SCNN1A: variants seen among roughly 807,000 people sequenced by gnomAD.
SCNN1A encodes the protein epithelial sodium channel subunit alpha.
In SCNN1A, 65 loss-of-function variants were observed where a neutral mutation model predicts 68.6. That is an observed-to-expected ratio of 0.95 (90% CI 0.78 to 1.16). The LOEUF (loss-of-function observed/expected upper bound fraction) is 1.16, where lower values mean the gene tolerates loss of function less well. SCNN1A is among the 50% of genes most tolerant of loss of function. SCNN1A has a pLI of 0.00. For synonymous variants in SCNN1A, 357 were observed against 353.3 expected (o/e 1.01, Z -0.12); for missense variants, 880 against 865.9 (o/e 1.02, Z -0.20).
intron 8 of SCNN1A, among the ~76,000 whole-genome samples, chr12:6,352,363 C>A (rs1256505347): frequency 6.6e-6 from 1 of 152,150 alleles, no homozygotes; most frequent in African/African-American, 2.4e-5. Flanking sequence ...TCATTTCTGA[C>A]CCAAATCCCT....
chr12:6,357,201 G>A (rs1458901617), intron 4 of SCNN1A, among the ~76,000 whole-genome samples: 1 of 152,152 alleles, frequency 6.6e-6, no homozygotes, highest in Non-Finnish European at 1.5e-5. Context: ...ATAATGGTGG[G>A]TGCTGCCCCC....
At position 6,347,934 on chromosome 12, in the gene SCNN1A, C is replaced by T. The variant is rs367681929; in HGVS notation, c.1949G>A (p.Arg650His). 3.3e-5 allele frequency: 52 copies of T among 1,584,704 alleles called. No homozygotes were observed. Among genetic ancestry groups the T allele is most frequent in the South Asian group, 1.5e-4 (13 of 87,866 alleles). The part of the protein sequence containing the change: ...PPPAYATLGP[R>H]PSPGGSAGAS... ...CCCTGCAGAGCCCCCTGGAGATGGG[C>T]GGGGGCCCAGGGTGGCATAGGCAGG... The change falls in exon 13 of 13, where the codon CGC becomes CAC. Residue 650 changes from arginine to histidine, a missense_variant. Transcript: ENST00000228916.
chr12:6,354,496 G>A lies in SCNN1A; in HGVS notation c.1302C>T (p.Ile434=). 1 of 1,613,860 alleles carries A rather than the reference G, an allele frequency of 6.2e-7. No individual in the cohort carries two copies. The highest frequency in any genetic ancestry group is 8.5e-7 in the Non-Finnish European group (1 of 1,180,006). The change falls in exon 8 of 13, where the codon ATC becomes ATT. Residue 434 remains isoleucine (I), a synonymous_variant. Transcript: ENST00000228916. ...SMIKECGCAY[I]FYPRPQNVEY... ...CCACGTTCTGGGGCCGCGGATAGAA[G>A]ATGTAGGCACAGCCACACTCCTTGA... is the stretch of plus-strand genomic sequence containing the variant.
intron 4 of SCNN1A, among the ~76,000 whole-genome samples, chr12:6,360,597 T>G (rs151214417): frequency 6.6e-6 from 1 of 152,322 alleles, no homozygotes; most frequent in African/African-American, 2.4e-5. Context: ...AACAAAATCG[T>G]GTACTGGGCA....
Position 6,374,335 on chromosome 12 carries a change from G to A in SCNN1A, c.416+33C>T, listed in dbSNP as rs1443312712. 2 of 1,609,910 alleles carry A rather than the reference G, an allele frequency of 1.2e-6. No individual in the cohort carries two copies. Among genetic ancestry groups the A allele is most frequent in the Non-Finnish European group, 1.7e-6 (2 of 1,176,766 alleles). ...ACCCTGGACCACCCTTCCAGGCGCA[G>A]GCACCAGGGAAGGGGCAGAGGGACT... On this transcript the variant is annotated intron_variant, in intron 2 of 12. Transcript: ENST00000228916. This position sits in a 1 kb window ranked among gnomAD's most constrained non-coding sequence, Gnocchi z 6.2.
intron 4 of SCNN1A, among the ~76,000 whole-genome samples, chr12:6,361,739 A>T (rs959869847): frequency 2.6e-5 from 4 of 152,042 alleles, no homozygotes; most frequent in African/African-American, 9.7e-5. Flanking sequence ...GCAAAACTCC[A>T]TCTCAAAAAA....
At chr12:6,355,576 G>T in intron 5 of SCNN1A, 141 bp from the exon 6 acceptor site, 1 of 1,094,228 alleles carries the variant, frequency 9.1e-7, no homozygotes, top group Non-Finnish European at 1.4e-6. Context: ...AAGGGACCTG[G>T]CAACCCCTGA....
intron 4 of SCNN1A, among the ~76,000 whole-genome samples, chr12:6,360,767 GGT>G (rs1948567938): frequency 1.4e-5 from 2 of 142,590 alleles, no homozygotes; most frequent in African/African-American, 4.9e-5. Context: ...GGGGGCCAGA[GGT>G]TACAGAAGGG....
chr12:6,357,842 T>C (rs1003241397), intron 4 of SCNN1A, among the ~76,000 whole-genome samples: 1 of 152,092 alleles, frequency 6.6e-6, no homozygotes, highest in East Asian at 1.9e-4. Flanking sequence ...CTACTAAAAA[T>C]ACAAAATTAG....
At chr12:6,362,854 T>G (rs1592074857) in intron 3 of SCNN1A, among the ~76,000 whole-genome samples, 2 of 40,656 alleles carry the variant, frequency 4.9e-5, no homozygotes, top group Admixed American at 6.3e-4. Context: ...AATTTTTGTA[T>G]TTTTTTTTTG....
intron 7 of SCNN1A, 54 bp downstream of exon 7, chr12:6,354,696 G>GA: frequency 6.6e-7 from 1 of 1,523,012 alleles, no homozygotes; most frequent in Non-Finnish European, 9.1e-7. Flanking sequence ...GCTTTGCAGG[G>GA]CCAGCCAGGG....
chr12:6,355,677 G>A (rs1948484595), intron 5 of SCNN1A, 100 bp downstream of exon 5: 1 of 965,188 alleles, frequency 1.0e-6, no homozygotes, highest in Non-Finnish European at 1.7e-6. Context: ...AGAGACAGCA[G>A]GCAGGACCCC....
At chr12:6,375,742 G>A (rs112955985), upstream of SCNN1A, 72 of 1,416,402 alleles carry the variant, frequency 5.1e-5, no homozygotes, top group African/African-American at 8.6e-4. Context: ...CAGGCAAGGA[G>A]GCTGGGGGAC....
rs1479994589 is a variant in SCNN1A, at chr12:6,355,129, T to C, written c.1143+143A>G. ...GGCTTTACTTCCCAGTGCCAGCCCC[T>C]CTGCCCCTCATTCCTGCTCCTGAAG... is the stretch of plus-strand genomic sequence containing the variant. On this transcript the variant is annotated intron_variant, in intron 6 of 12. Coordinates refer to ENST00000228916, the MANE Select transcript of SCNN1A (RefSeq NM_001038.6). The C allele has an allele frequency of 4.2e-6, 4 of 959,966 alleles. No homozygotes were observed. In the East Asian group the frequency reaches 1.0e-4, roughly 25 times the overall value. The allele number at this position is 959,966 out of a possible 1,614,324, so 59.5% of individuals were successfully genotyped here. A position where few individuals can be genotyped will look rare whatever the true frequency, so the allele number is the denominator to read the frequency against.
intron 8 of SCNN1A, chr12:6,349,838 T>A (rs1948345663): frequency 5.4e-6 from 1 of 184,102 alleles, no homozygotes; most frequent in Non-Finnish European, 1.2e-5. Flanking sequence ...ACCATTCTCC[T>A]GCATCAGCCT....
chr12:6,358,512 A>G (rs1948533086), intron 4 of SCNN1A, among the ~76,000 whole-genome samples: 1 of 152,222 alleles, frequency 6.6e-6, no homozygotes, highest in South Asian at 2.1e-4. Context: ...AGCATTAATC[A>G]TAACAGCCAA....
At chr12:6,376,284 G>T, upstream of SCNN1A, 2 of 681,254 alleles carry the variant, frequency 2.9e-6, no homozygotes, top group Non-Finnish European at 3.6e-6. Context: ...ACCCGGGAGG[G>T]GCCCAGGTGA....
chr12:6,351,204 G>A lies in SCNN1A; in HGVS notation c.1361-1799C>T, dbSNP rs1449737611. Among the ~76,000 whole-genome samples the A allele has an allele frequency of 6.6e-6, 1 of 152,220 alleles. No homozygotes were observed. Among genetic ancestry groups the A allele is most frequent in the East Asian group, 1.9e-4 (1 of 5,202 alleles). ...TGGTCTATCCATACAAGGGAGTGTT[G>A]TTATTCAGCCATATAAAGGAATGAG... On this transcript the variant is annotated intron_variant, in intron 8 of 12. Transcript: ENST00000228916. The surrounding 1 kb of genome is among the most constrained non-coding windows in gnomAD (Gnocchi z 4.2).
chr12:6,362,264 G>C, intron 3 of SCNN1A, 23 bp from the exon 4 acceptor site: 1 of 1,607,982 alleles, frequency 6.2e-7, no homozygotes, highest in Non-Finnish European at 8.5e-7. Context: ...ACTAGAGTCA[G>C]AGGGGACACG....
Sources: gnomAD v4.1 joint callset for allele counts (sites outside exome capture counted in the v4.1 genomes callset) on GRCh38, gnomAD v4.1.1 for gene constraint, Gnocchi (gnomAD v3.1) non-coding constraint, MANE v1.5 for transcripts, NCBI Gene and HGNC (gene_info 2026-07-23, HGNC 2026-07-21) for gene names.